MARCHF11: variants seen among roughly 807,000 people sequenced by gnomAD.
MARCHF11 encodes E3 ubiquitin-protein ligase MARCHF11.
In MARCHF11, 29 loss-of-function variants were observed where a neutral mutation model predicts 37.3. The observed-to-expected ratio is 0.78, with a 90% CI of 0.58 to 1.06. The LOEUF (loss-of-function observed/expected upper bound fraction) is 1.06. Among genes scored for constraint, MARCHF11 ranks in the 50% least tolerant of loss-of-function variants. MARCHF11 has a pLI of 0.00. For missense variants in MARCHF11, 482 were observed against 533.4 expected (o/e 0.90, Z 0.95); for synonymous variants, 233 against 228.0 (o/e 1.02, Z -0.20).
At chr5:16,115,397 A>C (rs967587451) in intron 2 of MARCHF11, among the ~76,000 whole-genome samples, 2 of 152,204 alleles carry the variant, frequency 1.3e-5, no homozygotes, top group African/African-American at 4.8e-5. Context: ...CAGCCTCATC[A>C]GTTTATGAGA....
intron 1 of MARCHF11, 46 bp downstream of exon 1, chr5:16,178,993 G>T (rs779258187): frequency 7.3e-7 from 1 of 1,370,706 alleles, no homozygotes; most frequent in Non-Finnish European, 9.4e-7. Context: ...TGACCGGCGC[G>T]AGCTGGAGCC....
At chr5:16,117,142 T>C (rs997289278) in intron 2 of MARCHF11, among the ~76,000 whole-genome samples, 2 of 152,094 alleles carry the variant, frequency 1.3e-5, no homozygotes, top group African/African-American at 4.8e-5. Context: ...ATAGATGAGT[T>C]TGGCAGTAGC....
chr5:16,145,366 T>C (rs1348712894), intron 2 of MARCHF11, among the ~76,000 whole-genome samples: 1 of 152,078 alleles, frequency 6.6e-6, no homozygotes, highest in African/African-American at 2.4e-5. Context: ...GCTCTCTCAT[T>C]TGCTCTTCCA....
Position 16,067,637 on chromosome 5 carries a change from A to G in MARCHF11, c.1043T>C (p.Leu348Ser), listed in dbSNP as rs779849734. 1 of 1,613,974 alleles carries G rather than the reference A, an allele frequency of 6.2e-7. No homozygotes were observed. Among genetic ancestry groups the G allele is most frequent in the Non-Finnish European group, 8.5e-7 (1 of 1,179,870 alleles). Residue 348 changes from leucine (L) to serine (S), a missense_variant, in exon 4 of 4, where the codon TTG becomes TCG. Transcript: ENST00000332432. The stretch of plus-strand genomic sequence containing the variant: ...CAAGTTTCTGTTCCGCAGAGCTGTC[A>G]ATGGCAACCACAAAGTCCTACTTGT... ...SSTSRTLWLP[L>S]TALRNRNLVH...
intron 2 of MARCHF11, among the ~76,000 whole-genome samples, chr5:16,097,380 G>A (rs1321215744): frequency 6.6e-6 from 1 of 152,142 alleles, no homozygotes; most frequent in Non-Finnish European, 1.5e-5. Flanking sequence ...TATCAGAGCT[G>A]AGCTAAAGAT....
chr5:16,117,935 G>C (rs953395193), intron 2 of MARCHF11, among the ~76,000 whole-genome samples: 1 of 152,172 alleles, frequency 6.6e-6, no homozygotes, highest in Non-Finnish European at 1.5e-5. Flanking sequence ...ACTCTACATC[G>C]TGACAAGTTT....
At chr5:16,115,923 G>A (rs1391348683) in intron 2 of MARCHF11, among the ~76,000 whole-genome samples, 1 of 152,030 alleles carries the variant, frequency 6.6e-6, no homozygotes, top group Admixed American at 6.6e-5. Context: ...CACCATGCCC[G>A]GGTGCTTGTT....
At chr5:16,163,379 A>G (rs528289139) in intron 2 of MARCHF11, among the ~76,000 whole-genome samples, 1 of 152,200 alleles carries the variant, frequency 6.6e-6, no homozygotes, top group South Asian at 2.1e-4. Flanking sequence ...AGGGATTAAA[A>G]AAAACATAAT....
intron 3 of MARCHF11, among the ~76,000 whole-genome samples, chr5:16,085,182 C>G (rs567566833): frequency 2.0e-5 from 3 of 151,872 alleles, no homozygotes; most frequent in Non-Finnish European, 4.4e-5. Flanking sequence ...ATAAAATCCC[C>G]GTAGCGTTAA....
chr5:16,167,184 AAG>A (rs1361266091), intron 2 of MARCHF11, among the ~76,000 whole-genome samples: 35 of 143,212 alleles, frequency 2.4e-4, no homozygotes, highest in African/African-American at 8.2e-4. Context: ...GTGTGTGTGT[AAG>A]AGAGTAATTA....
chr5:16,109,296 C>G (rs10063965), intron 2 of MARCHF11, among the ~76,000 whole-genome samples: 76,686 of 152,020 alleles, frequency 0.5, 20,222 homozygotes, highest in African/African-American at 0.66. Context: ...CTCATGATTA[C>G]AGGGCTAATG....
At position 16,177,957 on chromosome 5, in the gene MARCHF11, C is replaced by A. The variant is rs1231098032; in HGVS notation, c.538-76G>T. 4 of 1,412,242 alleles carry A rather than the reference C, an allele frequency of 2.8e-6. No homozygotes were observed. The East Asian group carries it at 9.6e-5, about 34-fold the overall frequency. 87.5% of individuals were successfully genotyped at this position (1,412,242 alleles called of 1,614,324 possible). A position where few individuals can be genotyped will look rare whatever the true frequency, so the allele number is the denominator to read the frequency against. ...AAAAACCTAATGCTTCCTTTCTTTT[C>A]TTTCAAAGCCATTTACTCAGGATAC... On this transcript the variant is annotated intron_variant, in intron 1 of 3. Coordinates refer to ENST00000332432, the MANE Select transcript of MARCHF11 (RefSeq NM_001102562.3).
At chr5:16,108,783 G>C (rs572988752) in intron 2 of MARCHF11, among the ~76,000 whole-genome samples, 2 of 152,180 alleles carry the variant, frequency 1.3e-5, no homozygotes, top group Non-Finnish European at 2.9e-5. Context: ...AAGTAGCTAA[G>C]TTACCTGAGG....
At chr5:16,111,953 G>A (rs552321786) in intron 2 of MARCHF11, among the ~76,000 whole-genome samples, 3 of 152,310 alleles carry the variant, frequency 2.0e-5, no homozygotes, top group Non-Finnish European at 2.9e-5. Context: ...CCAAGCTTTG[G>A]GAGCTTCCAC....
At position 16,163,649 on chromosome 5, in the gene MARCHF11, ATAAGT is replaced by A. The variant is rs150907053; in HGVS notation, c.693+14072_693+14076del. Among the ~76,000 whole-genome samples the A allele has an allele frequency of 6.0e-4, 91 of 152,210 alleles. No individual in the cohort carries two copies. The East Asian group carries it at 0.017, about 29-fold the overall frequency. ...AAATCATGCAAATAGTAAATAAAAG[ATAAGT>A]TGAGTAGCTATATTAACATCAGAAA... is the stretch of plus-strand genomic sequence containing the variant. On this transcript the variant is annotated intron_variant, in intron 2 of 3. Coordinates refer to ENST00000332432, the MANE Select transcript of MARCHF11 (RefSeq NM_001102562.3).
chr5:16,110,733 A>G (rs1737123198), intron 2 of MARCHF11, among the ~76,000 whole-genome samples: 2 of 152,204 alleles, frequency 1.3e-5, no homozygotes, highest in Non-Finnish European at 2.9e-5. Flanking sequence ...TATATTTCTA[A>G]TATCCAGCCT....
At chr5:16,147,645 T>C (rs1737821625) in intron 2 of MARCHF11, among the ~76,000 whole-genome samples, 1 of 151,744 alleles carries the variant, frequency 6.6e-6, no homozygotes, top group Non-Finnish European at 1.5e-5. Context: ...AAATATCAAA[T>C]TGGGATTTCT....
chr5:16,152,901 TA>T (rs1202794455), intron 2 of MARCHF11, among the ~76,000 whole-genome samples: 1 of 152,076 alleles, frequency 6.6e-6, no homozygotes, highest in South Asian at 2.1e-4. Flanking sequence ...TATGATAACT[TA>T]AATGGTATAA....
At chr5:16,143,375 G>C (rs1264561104) in intron 2 of MARCHF11, among the ~76,000 whole-genome samples, 2 of 152,204 alleles carry the variant, frequency 1.3e-5, no homozygotes, top group Non-Finnish European at 2.9e-5. Context: ...AACAATGCTA[G>C]ATCTGGCCCG....
Sources: allele counts gnomAD v4.1 joint callset (sites outside exome capture counted in the v4.1 genomes callset), GRCh38; gene constraint gnomAD v4.1.1; transcripts MANE v1.5; gene names NCBI Gene and HGNC (gene_info 2026-07-23, HGNC 2026-07-21).